Variants in NAA35 observed in about 807,000 individuals in gnomAD.
The protein encoded by NAA35 is N-alpha-acetyltransferase 35, NatC auxiliary subunit.
A neutral mutation model predicts 101.7 loss-of-function variants in NAA35; 18 were observed. That is an observed-to-expected ratio of 0.18 (90% CI 0.12 to 0.26). NAA35 has a LOEUF of 0.26. Ranked by LOEUF, NAA35 falls within the 10% of genes least tolerant of loss-of-function variation. The probability of loss-of-function intolerance (pLI) is 1.00; values close to 1 mark genes in which losing one functional copy is unlikely to be tolerated. For synonymous variants in NAA35, 267 were observed against 273.1 expected (o/e 0.98, Z 0.22); for missense variants, 601 against 886.8 (o/e 0.68, Z 4.09).
intron 6 of NAA35, among the ~76,000 whole-genome samples, chr9:85,967,191 A>T (rs1478281659): frequency 6.6e-6 from 1 of 152,310 alleles, no homozygotes; most frequent in East Asian, 1.9e-4. Flanking sequence ...TTTATGCCAC[A>T]TAGGGTTATG....
Position 86,007,342 on chromosome 9 carries a change from TA to T in NAA35, c.1117-14del. Reference sequence around the variant, plus strand: ...TGTGCGTGACACCGTAACTAATATATAACATTTGTTTTAAGACCACTTTCCT... The same window carrying T: ...TGTGCGTGACACCGTAACTAATATATACATTTGTTTTAAGACCACTTTCCT... On this transcript the variant is annotated splice_polypyrimidine_tract_variant and intron_variant, in intron 13 of 22. Transcript: ENST00000361671. The T allele has an allele frequency of 6.4e-7, 1 of 1,568,470 alleles. No homozygotes were observed. The highest frequency in any genetic ancestry group is 8.8e-7 in the Non-Finnish European group (1 of 1,139,064).
rs2118526215 is a variant in NAA35, at chr9:86,020,810, G to T, written c.2038-79G>T. The T allele has an allele frequency of 3.7e-6, 4 of 1,075,692 alleles. No homozygotes were observed. The East Asian group carries it at 1.0e-4, about 27-fold the overall frequency. The allele number at this position is 1,075,692 out of a possible 1,614,324, so 66.6% of individuals were successfully genotyped here. ...TTACCACTGTACTCCAGCCTGGGTT[G>T]ACAGCAGGTCTCAAAAAAGAAAAAG... On this transcript the variant is annotated intron_variant, in intron 21 of 22. Coordinates refer to ENST00000361671, the MANE Select transcript of NAA35 (RefSeq NM_024635.4).
chr9:86,015,916 A>G (rs896763128), intron 17 of NAA35: 2 of 235,302 alleles, frequency 8.5e-6, no homozygotes, highest in Non-Finnish European at 1.4e-5. Flanking sequence ...TATGGTATAA[A>G]AGGGTACTAT....
intron 2 of NAA35, among the ~76,000 whole-genome samples, chr9:85,945,162 G>T (rs1828705403): frequency 6.6e-6 from 1 of 152,158 alleles, no homozygotes; most frequent in Non-Finnish European, 1.5e-5. Context: ...TTTCACTGTG[G>T]ATAGAGAGGG....
Position 85,942,301 on chromosome 9 carries a change from A to ATT in NAA35, c.124+19_124+20dup. ...TTGTCGAGGTGAGTCTGATTTTTGG[A>ATT]TTAGAAGTTCAGCATCTGGAAGGGG... is the stretch of plus-strand genomic sequence containing the variant. On this transcript the variant is annotated intron_variant, in intron 2 of 22. Transcript: ENST00000361671. 1 of 1,611,770 alleles carries ATT rather than the reference A, an allele frequency of 6.2e-7. No homozygotes were observed. The highest frequency in any genetic ancestry group is 8.5e-7 in the Non-Finnish European group (1 of 1,179,144).
At chr9:85,951,849 G>A (rs368794178) in intron 2 of NAA35, among the ~76,000 whole-genome samples, 144 of 152,202 alleles carry the variant, frequency 9.5e-4, no homozygotes, top group African/African-American at 3.3e-3. Context: ...TAGTAGAGAC[G>A]GGGTTTCGCC....
At chr9:85,992,567 A>G (rs926779401) in intron 11 of NAA35, among the ~76,000 whole-genome samples, 3 of 152,188 alleles carry the variant, frequency 2.0e-5, no homozygotes, top group Non-Finnish European at 2.9e-5. Flanking sequence ...TTAATTCTGT[A>G]ATATTCCAAA....
chr9:85,954,773 A>T (rs1041794495), intron 2 of NAA35, among the ~76,000 whole-genome samples: 10 of 152,172 alleles, frequency 6.6e-5, no homozygotes, highest in African/African-American at 2.4e-4. Flanking sequence ...TCATTAGTAC[A>T]GGTGTCAACA....
intron 11 of NAA35, among the ~76,000 whole-genome samples, chr9:85,982,697 A>G (rs1249267346): frequency 1.3e-5 from 2 of 152,234 alleles, no homozygotes; most frequent in African/African-American, 4.8e-5. Context: ...TCTTTTAAAA[A>G]TAAATTAAAA....
intron 5 of NAA35, 123 bp from the exon 6 acceptor site, chr9:85,961,890 T>C: frequency 1.6e-6 from 1 of 629,912 alleles, no homozygotes; most frequent in Non-Finnish European, 2.5e-6. Context: ...TGTCTTTTTT[T>C]TTTAAGTCTT....
At chr9:86,017,219 T>C (rs894182738) in intron 18 of NAA35, among the ~76,000 whole-genome samples, 9 of 152,262 alleles carry the variant, frequency 5.9e-5, no homozygotes, top group Non-Finnish European at 1.3e-4. Flanking sequence ...ATCACTGTAT[T>C]TGTGGGTTTC....
At chr9:85,955,354 A>ATTTTTTTT (rs1256733819) in intron 2 of NAA35, among the ~76,000 whole-genome samples, 4 of 59,110 alleles carry the variant, frequency 6.8e-5, no homozygotes, top group Admixed American at 1.8e-4. Flanking sequence ...ATATATATAT[A>ATTTTTTTT]TATATATTTT....
chr9:85,956,969 C>T (rs768291525), intron 3 of NAA35, among the ~76,000 whole-genome samples: 11 of 152,070 alleles, frequency 7.2e-5, no homozygotes, highest in Non-Finnish European at 1.3e-4. Flanking sequence ...CAGAGGAGGA[C>T]GCAAGAGAGA....
intron 11 of NAA35, among the ~76,000 whole-genome samples, chr9:85,982,191 G>GT (rs530380004): frequency 5.6e-4 from 85 of 152,284 alleles, no homozygotes; most frequent in Middle Eastern, 3.4e-3. Context: ...CACTGTACTA[G>GT]TAAAGTATTT....
At position 85,941,258 on chromosome 9, in the gene NAA35, A is replaced by G. The variant is rs1828497936; in HGVS notation, c.-21A>G. On this transcript the variant is annotated 5_prime_UTR_variant, in exon 1 of 23. Transcript: ENST00000361671. ...CGGACAGTGCGTGGCGGCGCGGGTG[A>G]CCACGGGAGAAGTAGGTAGGGACCG... The G allele has an allele frequency of 3.0e-6, 3 of 985,612 alleles. No homozygotes were observed. Among genetic ancestry groups the G allele is most frequent in the African/African-American group, 1.7e-5 (1 of 57,218 alleles). 61.1% of individuals were successfully genotyped at this position (985,612 alleles called of 1,614,324 possible).
At chr9:86,013,424 C>A (rs2118441121) in intron 16 of NAA35, among the ~76,000 whole-genome samples, 1 of 152,146 alleles carries the variant, frequency 6.6e-6, no homozygotes, top group Admixed American at 6.6e-5. Context: ...AATATTAATA[C>A]ATTAATTTTA....
chr9:86,011,237 CAAAA>C (rs903097972), intron 15 of NAA35, among the ~76,000 whole-genome samples: 8 of 141,342 alleles, frequency 5.7e-5, no homozygotes, highest in Non-Finnish European at 9.3e-5. Flanking sequence ...AAAACTGTCT[CAAAA>C]AAAAAATTAA....
At position 86,014,117 on chromosome 9, in the gene NAA35, A is replaced by G. The variant is rs191897474; in HGVS notation, c.1568+220A>G. ...CCAAATGTTTATGTAAAAATTAACA[A>G]AAAATGACTCCAAAGTAAATGGATT... On this transcript the variant is annotated intron_variant, in intron 17 of 22. Transcript: ENST00000361671. 1.5e-3 allele frequency among the ~76,000 whole-genome samples: 225 copies of G among 152,366 alleles called. 1 individual carries two copies. The highest frequency in any genetic ancestry group is 3.5e-4 in the Non-Finnish European group (24 of 68,020).
At chr9:85,948,528 C>T (rs116861336) in intron 2 of NAA35, among the ~76,000 whole-genome samples, 1 of 152,190 alleles carries the variant, frequency 6.6e-6, no homozygotes, top group Non-Finnish European at 1.5e-5. Context: ...TGTCTTTTCT[C>T]TCTTGTTGTG....
Sources: allele counts gnomAD v4.1 joint callset (sites outside exome capture counted in the v4.1 genomes callset), GRCh38; gene constraint gnomAD v4.1.1; transcripts MANE v1.5; gene names NCBI Gene and HGNC (gene_info 2026-07-23, HGNC 2026-07-21).